The following ANKRD36 variants were observed in gnomAD, a reference collection of about 807,000 sequenced individuals.
ANKRD36 encodes ankyrin repeat domain 36, also known as ankyrin repeat domain-containing protein 36A.
ANKRD36 carries 179 observed loss-of-function variants against 278.1 expected under a neutral mutation model. The observed-to-expected ratio is 0.64, with a 90% CI of 0.57 to 0.73. The LOEUF (loss-of-function observed/expected upper bound fraction) is 0.73, where lower values mean the gene tolerates loss of function less well. Ranked by LOEUF, ANKRD36 falls within the 30% of genes least tolerant of loss-of-function variation. The pLI, the probability that ANKRD36 is intolerant of heterozygous loss-of-function variation, is 0.00. For synonymous variants in ANKRD36, 320 were observed against 641.1 expected (o/e 0.50, Z 7.57); for missense variants, 1,159 against 1,956.7 (o/e 0.59, Z 7.69).
intron 38 of ANKRD36, among the ~76,000 whole-genome samples, chr2:97,193,996 T>C (rs1307698956): frequency 6.6e-6 from 1 of 151,724 alleles, no homozygotes; most frequent in African/African-American, 2.4e-5. Context: ...GTAGCCATTT[T>C]ACTTTGTAGA....
intron 4 of ANKRD36, among the ~76,000 whole-genome samples, chr2:97,123,934 G>A (rs2037745948): frequency 7.4e-6 from 1 of 134,400 alleles, no homozygotes; most frequent in Non-Finnish European, 1.6e-5. Context: ...CATCCTTGAA[G>A]GATATATTAT....
At chr2:97,228,794 A>G (rs1441696019) in intron 67 of ANKRD36, among the ~76,000 whole-genome samples, 3 of 151,648 alleles carry the variant, frequency 2.0e-5, no homozygotes, top group African/African-American at 4.8e-5. Context: ...ATTTCCCTCT[A>G]CACACTGCTT....
At chr2:97,198,517 G>C in intron 43 of ANKRD36, 26 bp downstream of exon 43, 1 of 1,572,156 alleles carries the variant, frequency 6.4e-7, no homozygotes, top group Middle Eastern at 2.3e-4. Flanking sequence ...TTTATATTGT[G>C]ACCTAGTAAA....
chr2:97,116,761 T>C (rs1046572459), intron 1 of ANKRD36, among the ~76,000 whole-genome samples: 14 of 152,226 alleles, frequency 9.2e-5, no homozygotes, highest in African/African-American at 2.4e-4. Context: ...TTTATCAGTG[T>C]CCTCATGAAA....
In ANKRD36 at chr2:97,128,329, GT is replaced by G. The variant is rs1368630308; in HGVS notation, c.799+1197del. ...CCTCCCAACCCCCAGGAAAAAAAGAGTTGGTAAAGGAGAATGAGCAGTGGCT... is the reference window on the plus strand; with the variant it reads ...CCTCCCAACCCCCAGGAAAAAAAGAGTGGTAAAGGAGAATGAGCAGTGGCT... On this transcript the variant is annotated intron_variant, in intron 6 of 75. Transcript: ENST00000420699. Among the ~76,000 whole-genome samples, 4 of 151,980 alleles carry G rather than the reference GT, an allele frequency of 2.6e-5. No individual in the cohort carries two copies. The Admixed American group carries it at 2.6e-4, about 10-fold the overall frequency.
In ANKRD36 at chr2:97,216,643, T is replaced by A. The variant is rs1316892169; in HGVS notation, c.3674-534T>A. On this transcript the variant is annotated intron_variant, in intron 62 of 75. Coordinates refer to ENST00000420699, the MANE Select transcript of ANKRD36 (RefSeq NM_001354587.1). The stretch of plus-strand genomic sequence containing the variant: ...TCTACTCAGTTTCAGCAAACAGATA[T>A]CCAAGGTGATCAATTTAGGACACTT... 1.7e-5 allele frequency: 4 copies of A among 238,752 alleles called. 1 individual carries two copies. The highest frequency in any genetic ancestry group is 1.6e-4 in the Admixed American group (3 of 19,008). 14.8% of individuals were successfully genotyped at this position (238,752 alleles called of 1,614,324 possible).
At chr2:97,151,744 G>C in intron 12 of ANKRD36, 135 bp from the exon 13 acceptor site, 2 of 670,280 alleles carry the variant, frequency 3.0e-6, no homozygotes, top group Non-Finnish European at 5.1e-6. Context: ...GTAAATGGCA[G>C]ACTTGAGGTT....
chr2:97,173,790 G>T (rs1317330717), intron 22 of ANKRD36, among the ~76,000 whole-genome samples: 1 of 151,478 alleles, frequency 6.6e-6, no homozygotes, highest in African/African-American at 2.4e-5. Context: ...AAGGATGAGG[G>T]TAACCCACAG....
intron 18 of ANKRD36, among the ~76,000 whole-genome samples, chr2:97,162,988 C>G: frequency 6.6e-6 from 1 of 152,186 alleles, no homozygotes; most frequent in Non-Finnish European, 1.5e-5. Context: ...GTTGATTAAG[C>G]CGGGCACGGT....
At chr2:97,149,756 C>T (rs1198936107) in intron 12 of ANKRD36, among the ~76,000 whole-genome samples, 1 of 151,696 alleles carries the variant, frequency 6.6e-6, no homozygotes, top group Non-Finnish European at 1.5e-5. Context: ...TTTAATACAT[C>T]AGATGACTTA....
At chr2:97,222,080 G>A (rs1457662458) in intron 66 of ANKRD36, among the ~76,000 whole-genome samples, 1 of 151,880 alleles carries the variant, frequency 6.6e-6, no homozygotes, top group African/African-American at 2.4e-5. Flanking sequence ...TCAAAGATCA[G>A]ATAGTTATAG....
chr2:97,191,442 G>C (rs13032546), intron 36 of ANKRD36, among the ~76,000 whole-genome samples: 82,338 of 151,524 alleles, frequency 0.54, 28,947 homozygotes, highest in Non-Finnish European at 0.78. Flanking sequence ...AGGGGCTCTG[G>C]GGAACAGCAT....
chr2:97,226,842 A>G (rs2069870755), intron 67 of ANKRD36, among the ~76,000 whole-genome samples: 1 of 151,618 alleles, frequency 6.6e-6, no homozygotes, highest in Non-Finnish European at 1.5e-5. Context: ...CTTTCTACAT[A>G]TGGCTAGCCA....
chr2:97,134,962 A>G (rs1367289236), intron 6 of ANKRD36, among the ~76,000 whole-genome samples: 1 of 152,072 alleles, frequency 6.6e-6, no homozygotes, highest in African/African-American at 2.4e-5. Flanking sequence ...TGCCCTACAT[A>G]GGGTGAATGA....
intron 58 of ANKRD36, chr2:97,213,011 A>G: frequency 2.5e-6 from 1 of 401,972 alleles, no homozygotes; most frequent in Non-Finnish European, 4.5e-6. Flanking sequence ...GAATGTTTGT[A>G]CTATAATGGT....
chr2:97,211,751 C>G lies in ANKRD36; in HGVS notation c.3469+10C>G, dbSNP rs755929378. On this transcript the variant is annotated intron_variant, in intron 58 of 75. Transcript: ENST00000420699. Reference sequence around the variant, plus strand: ...CAAATATCTGGGACAGGTAATTTTGCAAACACATTTAATATGATGTTCGGT... The same window carrying G: ...CAAATATCTGGGACAGGTAATTTTGGAAACACATTTAATATGATGTTCGGT... 1.9e-6 allele frequency: 3 copies of G among 1,569,912 alleles called. No individual in the cohort carries two copies. Among genetic ancestry groups the G allele is most frequent in the Non-Finnish European group, 1.7e-6 (2 of 1,157,794 alleles).
intron 1 of ANKRD36, among the ~76,000 whole-genome samples, chr2:97,114,472 G>T (rs1410589942): frequency 7.6e-6 from 1 of 131,938 alleles, no homozygotes; most frequent in Non-Finnish European, 1.6e-5. Flanking sequence ...CAAAACTTCA[G>T]CTGGTTTCCA....
At chr2:97,227,268 T>A (rs1395640686) in intron 67 of ANKRD36, among the ~76,000 whole-genome samples, 2 of 152,270 alleles carry the variant, frequency 1.3e-5, no homozygotes, top group Middle Eastern at 3.4e-3. Context: ...GCATGGAATG[T>A]TCTTCCATTT....
At chr2:97,225,757 T>C (rs1199458957) in intron 67 of ANKRD36, among the ~76,000 whole-genome samples, 29 of 151,358 alleles carry the variant, frequency 1.9e-4, no homozygotes, top group African/African-American at 6.6e-4. Context: ...GTATATCTCC[T>C]AATGCTATCC....
Sources: allele counts gnomAD v4.1 joint callset (sites outside exome capture counted in the v4.1 genomes callset), GRCh38; gene constraint gnomAD v4.1.1; transcripts MANE v1.5; gene names NCBI Gene and HGNC (gene_info 2026-07-23, HGNC 2026-07-21).